Variants in CREB3L2 observed in about 807,000 individuals in gnomAD.
CREB3L2 encodes cAMP responsive element binding protein 3 like 2, also known as cyclic AMP-responsive element-binding protein 3-like protein 2.
In CREB3L2, 23 loss-of-function variants were observed where a neutral mutation model predicts 57.2. The observed-to-expected ratio is 0.40, with a 90% CI of 0.29 to 0.57. The LOEUF is 0.57. Ranked by LOEUF, CREB3L2 falls within the 20% of genes least tolerant of loss-of-function variation. The probability of loss-of-function intolerance (pLI) is 0.42; values close to 1 mark genes in which losing one functional copy is unlikely to be tolerated. For missense variants in CREB3L2, 628 were observed against 634.7 expected, an observed-to-expected ratio of 0.99 and a Z score of 0.11; for synonymous variants, 268 against 265.1, an observed-to-expected ratio of 1.01 and a Z score of -0.11.
At chr7:137,885,228 G>T in intron 9 of CREB3L2, 107 bp from the exon 10 acceptor site, 1 of 1,337,276 alleles carries the variant, frequency 7.5e-7, no homozygotes, top group Non-Finnish European at 1.0e-6. Context: ...TCAGGCCAGT[G>T]GACTGCACCC....
chr7:137,971,678 C>CAAA (rs35280186), intron 1 of CREB3L2, among the ~76,000 whole-genome samples: 6 of 129,394 alleles, frequency 4.6e-5, no homozygotes, highest in African/African-American at 1.6e-4. Context: ...CTGGATGGTA[C>CAAA]AAAAAAAAAA....
chr7:137,908,176 C>T, intron 5 of CREB3L2, 76 bp downstream of exon 5: 1 of 1,056,112 alleles, frequency 9.5e-7, no homozygotes, highest in African/African-American at 1.6e-5. Flanking sequence ...CTTGAGTGGT[C>T]CTGCTCTGGA....
intron 1 of CREB3L2, among the ~76,000 whole-genome samples, chr7:137,983,227 G>T (rs1002325762): frequency 6.6e-6 from 1 of 152,126 alleles, no homozygotes; most frequent in African/African-American, 2.4e-5. Flanking sequence ...TGACAAGGTG[G>T]TGAATGCCTT....
chr7:137,918,809 T>C (rs997467030), intron 2 of CREB3L2, among the ~76,000 whole-genome samples: 1 of 152,138 alleles, frequency 6.6e-6, no homozygotes, highest in African/African-American at 2.4e-5. Context: ...TATTCCAATC[T>C]AGTGAGGCCA....
rs552749004 is a variant in CREB3L2, at chr7:137,875,924, A to G, written c.*4552T>C. The G allele has an allele frequency of 2.7e-5, 6 of 226,224 alleles. No individual in the cohort carries two copies. In the East Asian group the frequency reaches 3.2e-4, roughly 12 times the overall value. The allele number at this position is 226,224 out of a possible 1,614,324, so 14.0% of individuals were successfully genotyped here. A position where few individuals can be genotyped will look rare whatever the true frequency, so the allele number is the denominator to read the frequency against. On this transcript the variant is annotated 3_prime_UTR_variant, in exon 12 of 12. Transcript: ENST00000330387. The stretch of plus-strand genomic sequence containing the variant: ...AAAATAACAAAACAAAACAACACCT[A>G]GTTTTTTCCTGTGTTAAGTGCTGAC...
At chr7:137,950,737 C>G (rs1397696125) in intron 1 of CREB3L2, among the ~76,000 whole-genome samples, 2 of 152,186 alleles carry the variant, frequency 1.3e-5, no homozygotes, top group African/African-American at 4.8e-5. Context: ...TAAGCTAGAT[C>G]TCAAAACACA....
chr7:137,945,021 T>G (rs1275479230), intron 1 of CREB3L2, among the ~76,000 whole-genome samples: 5 of 152,228 alleles, frequency 3.3e-5, no homozygotes, highest in African/African-American at 4.8e-5. Context: ...GCCTCCCAAG[T>G]AGCTGGGCTT....
chr7:137,946,566 G>A (rs1265886916), intron 1 of CREB3L2, among the ~76,000 whole-genome samples: 1 of 151,600 alleles, frequency 6.6e-6, no homozygotes, highest in Non-Finnish European at 1.5e-5. Flanking sequence ...ACCCAGCTAA[G>A]CCATGCCCAG....
chr7:137,885,346 G>A (rs1466098080), intron 9 of CREB3L2, 57 bp downstream of exon 9: 2 of 1,435,016 alleles, frequency 1.4e-6, no homozygotes, highest in South Asian at 1.2e-5. Flanking sequence ...TGGAGGGAGA[G>A]GGGAGACAGG....
chr7:137,904,258 CA>C (rs778173016), intron 6 of CREB3L2, among the ~76,000 whole-genome samples: 1 of 152,228 alleles, frequency 6.6e-6, no homozygotes, highest in Non-Finnish European at 1.5e-5. Flanking sequence ...TGGCCAGGAG[CA>C]GTGGCTTACA....
intron 10 of CREB3L2, 99 bp from the exon 11 acceptor site, chr7:137,882,727 G>C: frequency 1.3e-6 from 1 of 798,522 alleles, no homozygotes; most frequent in Non-Finnish European, 1.9e-6. Flanking sequence ...AGATGACAAT[G>C]TGTGTGTTCT....
chr7:137,967,910 C>T (rs116276948), intron 1 of CREB3L2, among the ~76,000 whole-genome samples: 231 of 152,342 alleles, frequency 1.5e-3, no homozygotes, highest in African/African-American at 5.4e-3. Flanking sequence ...GACTGAGCAC[C>T]ACCGTGTGCC....
intron 2 of CREB3L2, among the ~76,000 whole-genome samples, chr7:137,926,310 A>G (rs1350582956): frequency 2.0e-5 from 3 of 152,260 alleles, no homozygotes; most frequent in Non-Finnish European, 4.4e-5. Context: ...TATTTACAAT[A>G]GAAAAGACTT....
At chr7:137,996,693 C>T (rs1801992522) in intron 1 of CREB3L2, among the ~76,000 whole-genome samples, 1 of 152,216 alleles carries the variant, frequency 6.6e-6, no homozygotes, top group South Asian at 2.1e-4. Context: ...ATGGCCTTTC[C>T]ATCTGGACAC....
intron 4 of CREB3L2, among the ~76,000 whole-genome samples, chr7:137,911,856 A>T (rs2117213704): frequency 6.6e-6 from 1 of 152,268 alleles, no homozygotes; most frequent in Non-Finnish European, 1.5e-5. Context: ...AAAATAAATA[A>T]ATAAAAAGTA....
Position 137,885,134 on chromosome 7 carries a change from AAG to A in CREB3L2, c.1144-15_1144-14del. On this transcript the variant is annotated splice_polypyrimidine_tract_variant and intron_variant, in intron 9 of 11. Transcript: ENST00000330387. ...ACAGCACCACAACCTGTGGGAGAGA[AAG>A]AGGGGAGAGAGAACACGAGGGGCTG... 2 of 1,613,672 alleles carry A rather than the reference AAG, an allele frequency of 1.2e-6. No homozygotes were observed. The highest frequency in any genetic ancestry group is 8.5e-7 in the Non-Finnish European group (1 of 1,179,802).
chr7:137,912,999 G>A lies in CREB3L2; in HGVS notation c.575C>T (p.Pro192Leu). 1 of 1,613,706 alleles carries A rather than the reference G, an allele frequency of 6.2e-7. No homozygotes were observed. The highest frequency in any genetic ancestry group is 1.3e-5 in the African/African-American group (1 of 75,018). The part of the protein sequence containing the change: ...HEVDQFLNFS[P>L]KEAPVDHLHL... The stretch of plus-strand genomic sequence containing the variant: ...AGGGAGGGCAGACAGACCTTCTTTA[G>A]GAGAGAAGTTTAGAAACTGATCCAC... The change falls in exon 4 of 12, where the codon CCT (proline) becomes CTT (leucine). Residue 192 changes from proline (P) to leucine (L), a missense_variant. Around this residue, in one of 3 missense-constraint regions of CREB3L2, gnomAD observed 339 missense variants for 355.4 expected, o/e 0.95. Coordinates refer to ENST00000330387, the MANE Select transcript of CREB3L2 (RefSeq NM_194071.4).
chr7:137,899,852 C>T (rs11977277), intron 8 of CREB3L2, among the ~76,000 whole-genome samples: 1 of 152,082 alleles, frequency 6.6e-6, no homozygotes, highest in South Asian at 2.1e-4. Context: ...AACCATGAAG[C>T]ATCAGGAAAC....
At chr7:137,969,965 A>G (rs1801479821) in intron 1 of CREB3L2, among the ~76,000 whole-genome samples, 1 of 152,246 alleles carries the variant, frequency 6.6e-6, no homozygotes, top group Non-Finnish European at 1.5e-5. Context: ...GGCACAACCT[A>G]AGAAACAAAT....
Sources: gnomAD v4.1 joint callset for allele counts (sites outside exome capture counted in the v4.1 genomes callset) on GRCh38, gnomAD v4.1.1 for gene constraint, gnomAD v4.1.1 regional missense constraint, MANE v1.5 for transcripts, NCBI Gene and HGNC (gene_info 2026-07-23, HGNC 2026-07-21) for gene names.